STPG4: variants seen among roughly 807,000 people sequenced by gnomAD.
STPG4 encodes sperm-tail PG-rich repeat containing 4, also known as protein STPG4.
Under a neutral mutation model 31.5 loss-of-function variants are expected in STPG4, and 41 were observed. The observed-to-expected ratio is 1.30, with a 90% CI of 1.01 to 1.69. The LOEUF is 1.69. Among genes scored for constraint, STPG4 ranks in the 40% most tolerant of loss-of-function variants. The probability of loss-of-function intolerance (pLI) is 0.00; values close to 1 mark genes in which losing one functional copy is unlikely to be tolerated. For missense variants in STPG4, 375 were observed against 293.4 expected (o/e 1.28, Z -2.03); for synonymous variants, 141 against 103.0 (o/e 1.37, Z -2.24).
chr2:47,144,960 G>A (rs1429695492), intron 3 of STPG4, among the ~76,000 whole-genome samples: 1 of 152,220 alleles, frequency 6.6e-6, no homozygotes, highest in South Asian at 2.1e-4. Context: ...TTGATCTCTT[G>A]ACCTCGTGAT....
At chr2:47,091,406 A>C (rs953780120) in intron 5 of STPG4, among the ~76,000 whole-genome samples, 1 of 152,236 alleles carries the variant, frequency 6.6e-6, no homozygotes, top group Non-Finnish European at 1.5e-5. Flanking sequence ...TCAGCCTAGA[A>C]TGTGGCAGGG....
intron 5 of STPG4, among the ~76,000 whole-genome samples, chr2:47,118,809 C>T (rs1391246662): frequency 6.6e-6 from 1 of 152,172 alleles, no homozygotes; most frequent in Non-Finnish European, 1.5e-5. Context: ...GAACATTGCA[C>T]CTGGCACCAG....
chr2:47,103,686 G>A lies in STPG4; in HGVS notation c.520-13312C>T, dbSNP rs557656002. 6.6e-5 allele frequency among the ~76,000 whole-genome samples: 10 copies of A among 152,014 alleles called. 1 individual carries two copies. In the South Asian group the frequency reaches 8.3e-4, roughly 13 times the overall value. On this transcript the variant is annotated intron_variant, in intron 5 of 6. Transcript: ENST00000445927. ...CCCCCTCGTCCATGTCCACTATGCC[G>A]AGGCAATCACTGGAAGGTGCACTGC...
chr2:47,111,171 G>C (rs1686028861), intron 5 of STPG4, among the ~76,000 whole-genome samples: 1 of 152,164 alleles, frequency 6.6e-6, no homozygotes, highest in African/African-American at 2.4e-5. Context: ...CAATAGACAA[G>C]AAAAGCACTG....
At chr2:47,145,570 C>CA (rs1686805445) in intron 3 of STPG4, among the ~76,000 whole-genome samples, 1 of 152,134 alleles carries the variant, frequency 6.6e-6, no homozygotes, top group African/African-American at 2.4e-5. Context: ...GGGGAATTCA[C>CA]AAAAATACAT....
At chr2:47,145,335 C>T (rs726118) in intron 3 of STPG4, among the ~76,000 whole-genome samples, 43,523 of 152,076 alleles carry the variant, frequency 0.29, 6,238 homozygotes, top group South Asian at 0.32. Flanking sequence ...TCTCCCACCT[C>T]ACTCCACTGC....
At chr2:47,120,000 T>C (rs1274025143) in intron 5 of STPG4, among the ~76,000 whole-genome samples, 1 of 152,186 alleles carries the variant, frequency 6.6e-6, no homozygotes, top group Non-Finnish European at 1.5e-5. Context: ...AAAGATTTTC[T>C]GATTTGCAGT....
At chr2:47,135,105 GA>G (rs1686570500) in intron 3 of STPG4, among the ~76,000 whole-genome samples, 1 of 152,092 alleles carries the variant, frequency 6.6e-6, no homozygotes, top group South Asian at 2.1e-4. Flanking sequence ...TTCTTTCTCA[GA>G]TATATCTTTT....
chr2:47,116,472 A>G (rs1686154672), intron 5 of STPG4, among the ~76,000 whole-genome samples: 1 of 152,218 alleles, frequency 6.6e-6, no homozygotes, highest in Non-Finnish European at 1.5e-5. Flanking sequence ...TTCCCAACAT[A>G]GCAACTCTGT....
chr2:47,119,816 C>T (rs932563524), intron 5 of STPG4, among the ~76,000 whole-genome samples: 4 of 152,148 alleles, frequency 2.6e-5, no homozygotes, highest in East Asian at 3.8e-4. Flanking sequence ...ATGTTTAAGT[C>T]CTGACCTCCG....
chr2:47,134,624 G>T (rs951433276), intron 3 of STPG4, among the ~76,000 whole-genome samples: 1 of 152,170 alleles, frequency 6.6e-6, no homozygotes, highest in African/African-American at 2.4e-5. Context: ...CATCTTTGTT[G>T]CTTCCAAATG....
At chr2:47,134,373 T>TGTTG (rs777213187) in intron 3 of STPG4, among the ~76,000 whole-genome samples, 1 of 152,040 alleles carries the variant, frequency 6.6e-6, no homozygotes, top group Non-Finnish European at 1.5e-5. Context: ...CTCCCTCCCC[T>TGTTG]CAACCCCTGA....
At chr2:47,149,243 C>T (rs756551949) in intron 3 of STPG4, among the ~76,000 whole-genome samples, 14 of 152,138 alleles carry the variant, frequency 9.2e-5, no homozygotes, top group Admixed American at 5.2e-4. Context: ...TCCATCCTTC[C>T]GAGTAAGCCT....
chr2:47,143,758 G>C (rs887089404), intron 3 of STPG4, among the ~76,000 whole-genome samples: 2 of 152,094 alleles, frequency 1.3e-5, no homozygotes, highest in Non-Finnish European at 2.9e-5. Flanking sequence ...AAAGTGCTGG[G>C]ATTACAGGTG....
intron 5 of STPG4, among the ~76,000 whole-genome samples, chr2:47,102,503 G>T (rs1375386218): frequency 6.6e-6 from 1 of 151,836 alleles, no homozygotes; most frequent in African/African-American, 2.4e-5. Flanking sequence ...GACCTTTTCT[G>T]TAAGAGGCAA....
intron 5 of STPG4, among the ~76,000 whole-genome samples, chr2:47,111,280 A>C (rs1032635912): frequency 1.3e-5 from 2 of 152,174 alleles, no homozygotes; most frequent in Non-Finnish European, 2.9e-5. Context: ...TTCTAATGGG[A>C]TTAATAAGTA....
At chr2:47,131,574 A>C (rs768460651) in intron 3 of STPG4, among the ~76,000 whole-genome samples, 4 of 152,264 alleles carry the variant, frequency 2.6e-5, no homozygotes, top group Non-Finnish European at 5.9e-5. Flanking sequence ...AGGCACCTAC[A>C]GAAACAATCC....
chr2:47,106,318 G>GC (rs1685909142), intron 5 of STPG4, among the ~76,000 whole-genome samples: 1 of 151,706 alleles, frequency 6.6e-6, no homozygotes, highest in East Asian at 1.9e-4. Flanking sequence ...CATTAACATT[G>GC]CCCCAGGAAA....
intron 5 of STPG4, among the ~76,000 whole-genome samples, chr2:47,118,783 G>C (rs1686204501): frequency 6.6e-6 from 1 of 152,208 alleles, no homozygotes; most frequent in Non-Finnish European, 1.5e-5. Flanking sequence ...ACATGAGACA[G>C]TCTATGTCAG....
Sources: gnomAD v4.1 joint callset for allele counts (sites outside exome capture counted in the v4.1 genomes callset) on GRCh38, gnomAD v4.1.1 for gene constraint, MANE v1.5 for transcripts, NCBI Gene and HGNC (gene_info 2026-07-23, HGNC 2026-07-21) for gene names.